Variants in FNIP1 observed in about 807,000 individuals in gnomAD.
FNIP1 encodes folliculin interacting protein 1.
In FNIP1, 40 loss-of-function variants were observed where a neutral mutation model predicts 124.5. That is an observed-to-expected ratio of 0.32 (90% CI 0.25 to 0.42). The LOEUF is 0.42. Among genes scored for constraint, FNIP1 ranks in the 10% least tolerant of loss-of-function variants. FNIP1 has a pLI of 1.00. For synonymous variants in FNIP1, 472 were observed against 470.6 expected, an observed-to-expected ratio of 1.00 and a Z score of -0.04; for missense variants, 1,176 against 1,403.7, an observed-to-expected ratio of 0.84 and a Z score of 2.59.
intron 2 of FNIP1, among the ~76,000 whole-genome samples, chr5:131,743,493 C>T (rs1770576554): frequency 6.6e-6 from 1 of 151,510 alleles, no homozygotes; most frequent in Non-Finnish European, 1.5e-5. Flanking sequence ...GAGACACCAA[C>T]AGACACCAAG....
intron 3 of FNIP1, among the ~76,000 whole-genome samples, chr5:131,723,294 A>T (rs1352898093): frequency 2.0e-5 from 3 of 152,160 alleles, no homozygotes; most frequent in Admixed American, 6.5e-5. Flanking sequence ...ATTTTGACTG[A>T]ATTTCTTATT....
At chr5:131,709,822 T>C (rs779042318) in intron 7 of FNIP1, among the ~76,000 whole-genome samples, 13 of 152,154 alleles carry the variant, frequency 8.5e-5, no homozygotes, top group Admixed American at 4.6e-4. Context: ...TCTACAAATA[T>C]ATATTTTTTA....
At chr5:131,707,812 A>G (rs1032781038) in intron 8 of FNIP1, among the ~76,000 whole-genome samples, 2 of 152,202 alleles carry the variant, frequency 1.3e-5, no homozygotes, top group African/African-American at 4.8e-5. Flanking sequence ...TATGAATCCA[A>G]TAACTTGAAG....
chr5:131,771,968 C>T (rs1458332688), intron 1 of FNIP1, among the ~76,000 whole-genome samples: 1 of 152,096 alleles, frequency 6.6e-6, no homozygotes, highest in Non-Finnish European at 1.5e-5. Flanking sequence ...TTACCATTTC[C>T]TGGCTATCCT....
At chr5:131,692,324 A>C (rs574448881) in intron 11 of FNIP1, among the ~76,000 whole-genome samples, 92 of 147,362 alleles carry the variant, frequency 6.2e-4, no homozygotes, top group Admixed American at 9.7e-4. Flanking sequence ...TGACCCCCCC[A>C]AAAAACATGT....
chr5:131,697,021 TAA>T (rs1259747968), intron 11 of FNIP1, among the ~76,000 whole-genome samples: 1 of 152,146 alleles, frequency 6.6e-6, no homozygotes, highest in African/African-American at 2.4e-5. Context: ...TTATATATTT[TAA>T]AAGTTTTAAA....
At chr5:131,705,137 T>C (rs1331604388) in intron 9 of FNIP1, among the ~76,000 whole-genome samples, 1 of 151,932 alleles carries the variant, frequency 6.6e-6, no homozygotes, top group Non-Finnish European at 1.5e-5. Context: ...TAAATAGACA[T>C]TTCTCCAAAA....
In FNIP1 at chr5:131,651,892, T is replaced by C; in HGVS notation, c.3216A>G (p.Lys1072=). The stretch of plus-strand genomic sequence containing the variant: ...TGGAAACCAATACTTCCTTTCCCAA[T>C]TTATTATCTGTCACTCGTCTCTGGC... The part of the protein sequence containing the change: ...ASSQRRVTDN[K]LGKEVLVSSL... Residue 1072 remains lysine, a synonymous_variant, in exon 16 of 18, where the codon AAA becomes AAG. Transcript: ENST00000510461. 6.2e-7 allele frequency: 1 copy of C among 1,614,194 alleles called. No homozygotes were observed. The highest frequency in any genetic ancestry group is 1.3e-5 in the African/African-American group (1 of 75,058).
At chr5:131,739,124 C>G (rs963138173) in intron 2 of FNIP1, among the ~76,000 whole-genome samples, 1 of 152,074 alleles carries the variant, frequency 6.6e-6, no homozygotes, top group Non-Finnish European at 1.5e-5. Context: ...CCTAGAGATA[C>G]CTTTTCCACT....
At chr5:131,673,001 C>G in intron 13 of FNIP1, 77 bp from the exon 14 acceptor site, 1 of 1,109,416 alleles carries the variant, frequency 9.0e-7, no homozygotes, top group East Asian at 2.5e-5. Flanking sequence ...TGATCAGAAA[C>G]CTACTTCTTT....
chr5:131,744,534 A>T, intron 2 of FNIP1, 30 bp downstream of exon 2: 14 of 1,571,426 alleles, frequency 8.9e-6, no homozygotes, highest in Non-Finnish European at 1.1e-5. Context: ...TTCAACATTA[A>T]AAGTCAACCA....
At position 131,796,718 on chromosome 5, in the gene FNIP1, G is replaced by A. The variant is rs546148887; in HGVS notation, c.92+112C>T. The A allele has an allele frequency of 8.6e-4, 857 of 999,194 alleles. 8 individuals are homozygous for A. In the South Asian group the frequency reaches 0.012, roughly 14 times the overall value. 61.9% of individuals were successfully genotyped at this position (999,194 alleles called of 1,614,324 possible). On this transcript the variant is annotated intron_variant, in intron 1 of 17. Coordinates refer to ENST00000510461, the MANE Select transcript of FNIP1 (RefSeq NM_133372.3). ...TCCACCCCACCGAGGACCAGATGCTGCTCTCGGCGCGGCGCTTCCGCTCGG... is the reference window on the plus strand; with the variant it reads ...TCCACCCCACCGAGGACCAGATGCTACTCTCGGCGCGGCGCTTCCGCTCGG...
In FNIP1 at chr5:131,643,627, T is replaced by G. The variant is rs935495977; in HGVS notation, c.*1058A>C. The G allele has an allele frequency of 1.3e-5, 2 of 152,622 alleles. No individual in the cohort carries two copies. Among genetic ancestry groups the G allele is most frequent in the Non-Finnish European group, 1.5e-5 (1 of 68,020 alleles). 9.5% of individuals were successfully genotyped at this position (152,622 alleles called of 1,614,324 possible). A position where few individuals can be genotyped will look rare whatever the true frequency, so the allele number is the denominator to read the frequency against. On this transcript the variant is annotated 3_prime_UTR_variant, in exon 18 of 18. Transcript: ENST00000510461. ...AAAATCTTTGAAAAAAATACACTTTTGGAAGGGAGGGACTCTTAGAAAAAA... is the reference window on the plus strand; with the variant it reads ...AAAATCTTTGAAAAAAATACACTTTGGGAAGGGAGGGACTCTTAGAAAAAA...
chr5:131,651,704 A>G (rs981537885), intron 16 of FNIP1, 98 bp downstream of exon 16: 10 of 1,124,976 alleles, frequency 8.9e-6, no homozygotes, highest in African/African-American at 1.6e-5. Context: ...GGGTAATGAC[A>G]CAAACATTCA....
intron 1 of FNIP1, among the ~76,000 whole-genome samples, chr5:131,784,001 C>T (rs1056373097): frequency 1.0e-5 from 1 of 96,544 alleles, no homozygotes; most frequent in Non-Finnish European, 2.7e-5. Context: ...GGGTAATCTG[C>T]CCCCAACAAA....
chr5:131,736,394 T>C (rs979843668), intron 2 of FNIP1, among the ~76,000 whole-genome samples: 2 of 152,234 alleles, frequency 1.3e-5, no homozygotes, highest in South Asian at 2.1e-4. Flanking sequence ...TATCTACTTA[T>C]AGACAAAACC....
chr5:131,724,458 C>G (rs1023316779), intron 3 of FNIP1, among the ~76,000 whole-genome samples: 1 of 152,106 alleles, frequency 6.6e-6, no homozygotes, highest in Non-Finnish European at 1.5e-5. Flanking sequence ...TCTCTGGTGA[C>G]CAGTGATAAA....
intron 15 of FNIP1, among the ~76,000 whole-genome samples, chr5:131,667,027 G>C (rs1008540594): frequency 6.6e-6 from 1 of 152,144 alleles, no homozygotes; most frequent in African/African-American, 2.4e-5. Flanking sequence ...CACTTCATCA[G>C]GTATTGGGAG....
At chr5:131,710,521 A>G in intron 7 of FNIP1, 57 bp downstream of exon 7, 3 of 1,524,766 alleles carry the variant, frequency 2.0e-6, no homozygotes, top group Non-Finnish European at 2.7e-6. Context: ...CAGCTTAACT[A>G]CAGATTCTAG....
Sources: allele counts gnomAD v4.1 joint callset (sites outside exome capture counted in the v4.1 genomes callset), GRCh38; gene constraint gnomAD v4.1.1; transcripts MANE v1.5; gene names NCBI Gene and HGNC (gene_info 2026-07-23, HGNC 2026-07-21).